Variants in XPR1 observed in about 807,000 individuals in gnomAD.
The protein encoded by XPR1 is solute carrier family 53 member 1.
XPR1 carries 28 observed loss-of-function variants against 87.5 expected under a neutral mutation model. The ratio of observed to expected loss-of-function variants is 0.32; its 90% CI spans 0.24 to 0.44. The LOEUF (loss-of-function observed/expected upper bound fraction) is 0.44, where lower values mean the gene tolerates loss of function less well. Ranked by LOEUF, XPR1 falls within the 20% of genes least tolerant of loss-of-function variation. The pLI is 1.00. For synonymous variants in XPR1, 300 were observed against 306.1 expected (o/e 0.98, Z 0.21); for missense variants, 559 against 862.3 (o/e 0.65, Z 4.41).
At chr1:180,766,806 C>A (rs969995003) in intron 2 of XPR1, among the ~76,000 whole-genome samples, 5 of 152,088 alleles carry the variant, frequency 3.3e-5, no homozygotes, top group Non-Finnish European at 7.4e-5. Context: ...TTATTTCTTA[C>A]ATTTGGGGTG....
Position 180,873,843 on chromosome 1 carries a change from G to A in XPR1, c.1709G>A (p.Arg570His), listed in dbSNP as rs781505602. The change falls in exon 13 of 15, where the codon CGC becomes CAC. Residue 570 changes from arginine to histidine, a missense_variant. Physicochemically the swap from Arg to His is conservative, Grantham distance 29. Transcript: ENST00000367590. Reference protein sequence around the residue: ...YCAIIEDVILRFAWTIQISIT... With the variant: ...YCAIIEDVILHFAWTIQISIT... The stretch of plus-strand genomic sequence containing the variant: ...GCCATAATAGAGGATGTGATTCTGC[G>A]CTTTGCTTGGACTATCCAAATCTCG... The A allele has an allele frequency of 8.7e-6, 14 of 1,613,900 alleles. No individual in the cohort carries two copies. Among genetic ancestry groups the A allele is most frequent in the African/African-American group, 2.7e-5 (2 of 74,904 alleles).
At chr1:180,667,461 A>G (rs934496742) in intron 1 of XPR1, among the ~76,000 whole-genome samples, 6 of 152,198 alleles carry the variant, frequency 3.9e-5, no homozygotes, top group African/African-American at 4.8e-5. Flanking sequence ...CCACTTGGTC[A>G]TGGTGTATAA....
chr1:180,674,501 C>A (rs1246068901), intron 1 of XPR1, among the ~76,000 whole-genome samples: 1 of 152,086 alleles, frequency 6.6e-6, no homozygotes, highest in Non-Finnish European at 1.5e-5. Context: ...TCAGGTGACC[C>A]ACCCTCCTCG....
At chr1:180,790,962 A>C (rs1179327320) in intron 3 of XPR1, among the ~76,000 whole-genome samples, 2 of 152,234 alleles carry the variant, frequency 1.3e-5, no homozygotes, top group African/African-American at 4.8e-5. Context: ...AGATAGAAAG[A>C]TAAAGAGGAA....
intron 2 of XPR1, among the ~76,000 whole-genome samples, chr1:180,729,773 A>G (rs1294799848): frequency 2.0e-5 from 3 of 152,148 alleles, no homozygotes; most frequent in Admixed American, 1.3e-4. Context: ...TGTGAATTTA[A>G]GTTCCTTATA....
chr1:180,850,572 T>A (rs1276514162), intron 11 of XPR1, among the ~76,000 whole-genome samples: 1 of 152,206 alleles, frequency 6.6e-6, no homozygotes. Context: ...GTTTATCACT[T>A]TTTTCAGTTC....
chr1:180,662,813 T>A (rs1655823731), intron 1 of XPR1, among the ~76,000 whole-genome samples: 2 of 152,186 alleles, frequency 1.3e-5, no homozygotes, highest in Non-Finnish European at 2.9e-5. Flanking sequence ...GCTTTACTTT[T>A]TTTATTCCTT....
At chr1:180,659,361 G>A (rs1056560732) in intron 1 of XPR1, among the ~76,000 whole-genome samples, 17 of 90,138 alleles carry the variant, frequency 1.9e-4, no homozygotes, top group East Asian at 1.5e-3. Flanking sequence ...CCGTCCTTCC[G>A]TCCTTCCGTC....
At chr1:180,830,408 C>T (rs570800402) in intron 9 of XPR1, among the ~76,000 whole-genome samples, 1 of 152,250 alleles carries the variant, frequency 6.6e-6, no homozygotes, top group Admixed American at 6.5e-5. Context: ...GACACCTGGT[C>T]TAGCTTCCAA....
At chr1:180,809,736 C>T (rs576468137) in intron 6 of XPR1, among the ~76,000 whole-genome samples, 80 of 152,184 alleles carry the variant, frequency 5.3e-4, no homozygotes, top group African/African-American at 1.8e-3. Context: ...AAATGTTCAG[C>T]TTCTAAATAT....
At chr1:180,790,495 G>A (rs1009157091) in intron 3 of XPR1, among the ~76,000 whole-genome samples, 4 of 152,148 alleles carry the variant, frequency 2.6e-5, no homozygotes, top group African/African-American at 4.8e-5. Context: ...ATATATGCAT[G>A]TCTCTTTCAC....
chr1:180,761,480 C>G (rs2102052929), intron 2 of XPR1, among the ~76,000 whole-genome samples: 1 of 152,272 alleles, frequency 6.6e-6, no homozygotes, highest in Admixed American at 6.5e-5. Flanking sequence ...AGACACTTCT[C>G]AAAAGAAGAC....
At chr1:180,653,515 A>G (rs1392652239) in intron 1 of XPR1, among the ~76,000 whole-genome samples, 1 of 151,996 alleles carries the variant, frequency 6.6e-6, no homozygotes, top group Non-Finnish European at 1.5e-5. Context: ...TTATTGGGCA[A>G]GGTACAGTAG....
intron 2 of XPR1, among the ~76,000 whole-genome samples, chr1:180,780,435 T>C (rs1320177056): frequency 6.6e-6 from 1 of 152,236 alleles, no homozygotes; most frequent in Non-Finnish European, 1.5e-5. Flanking sequence ...CATGTACTTA[T>C]TGGTCATTTG....
At chr1:180,761,100 T>G (rs1301694567) in intron 2 of XPR1, among the ~76,000 whole-genome samples, 1 of 152,146 alleles carries the variant, frequency 6.6e-6, no homozygotes, top group Non-Finnish European at 1.5e-5. Context: ...CCTTACACCT[T>G]ATAGAAAAAT....
In XPR1 at chr1:180,735,285, GA is replaced by G. The variant is rs547292649; in HGVS notation, c.122-52461del. 4.9e-3 allele frequency among the ~76,000 whole-genome samples: 746 copies of G among 151,998 alleles called. 2 individuals carry two copies. Among genetic ancestry groups the G allele is most frequent in the Non-Finnish European group, 8.8e-3 (600 of 67,904 alleles). On this transcript the variant is annotated intron_variant, in intron 2 of 14. Coordinates refer to ENST00000367590, the MANE Select transcript of XPR1 (RefSeq NM_004736.4). The stretch of plus-strand genomic sequence containing the variant: ...AGATGTTTAACTTGTTTAGACTGAA[GA>G]AAAAAAGATTTCCAATTAACACCAG...
chr1:180,783,253 C>CAACA (rs986919203), intron 2 of XPR1, among the ~76,000 whole-genome samples: 3 of 151,896 alleles, frequency 2.0e-5, no homozygotes, highest in Admixed American at 6.6e-5. Flanking sequence ...GGTGCTGTCT[C>CAACA]AACAAACAAA....
chr1:180,794,521 A>G (rs1246633389), intron 3 of XPR1, among the ~76,000 whole-genome samples: 1 of 152,228 alleles, frequency 6.6e-6, no homozygotes, highest in Non-Finnish European at 1.5e-5. Context: ...TTTAAAGTTT[A>G]TGTGCAATAT....
At chr1:180,644,543 G>A (rs1424133786) in intron 1 of XPR1, among the ~76,000 whole-genome samples, 1 of 151,318 alleles carries the variant, frequency 6.6e-6, no homozygotes, top group Non-Finnish European at 1.5e-5. Flanking sequence ...ATTTGAATTT[G>A]GATCTCATTA....
Sources: gnomAD v4.1 joint callset for allele counts (sites outside exome capture counted in the v4.1 genomes callset) on GRCh38, gnomAD v4.1.1 for gene constraint, MANE v1.5 for transcripts, NCBI Gene and HGNC (gene_info 2026-07-23, HGNC 2026-07-21) for gene names.